MYT1L: variants seen among roughly 807,000 people sequenced by gnomAD.
MYT1L encodes myelin transcription factor 1-like protein.
MYT1L carries 12 observed loss-of-function variants against 126.7 expected under a neutral mutation model. That is an observed-to-expected ratio of 0.09 (90% CI 0.06 to 0.15). MYT1L has a LOEUF of 0.15. Among genes scored for constraint, MYT1L ranks in the 10% least tolerant of loss-of-function variants. The pLI, the probability that MYT1L is intolerant of heterozygous loss-of-function variation, is 1.00. For synonymous variants in MYT1L, 541 were observed against 604.2 expected, an observed-to-expected ratio of 0.90 and a Z score of 1.53; for missense variants, 979 against 1,585.2, an observed-to-expected ratio of 0.62 and a Z score of 6.49.
chr2:2,130,827 T>C (rs1350970650), intron 3 of MYT1L, among the ~76,000 whole-genome samples: 1 of 152,170 alleles, frequency 6.6e-6, no homozygotes, highest in East Asian at 1.9e-4. Context: ...TGTGCTCTTG[T>C]TTGCTTAGTT....
chr2:2,186,366 G>A (rs979165870), intron 2 of MYT1L, among the ~76,000 whole-genome samples: 5 of 152,248 alleles, frequency 3.3e-5, no homozygotes, highest in Admixed American at 6.5e-5. Flanking sequence ...CGAGTCCTGC[G>A]GTCCTTACTG....
At chr2:2,225,232 A>G (rs1333556850) in intron 2 of MYT1L, among the ~76,000 whole-genome samples, 2 of 151,210 alleles carry the variant, frequency 1.3e-5, no homozygotes, top group Non-Finnish European at 2.9e-5. Context: ...CAACTAACCA[A>G]CCCCAGGCCT....
chr2:1,833,192 C>T (rs1297996639), intron 21 of MYT1L, among the ~76,000 whole-genome samples: 2 of 152,178 alleles, frequency 1.3e-5, no homozygotes, highest in African/African-American at 2.4e-5. Context: ...GCATCTGTCC[C>T]GTGGTTGGCC....
rs751569491 is a variant in MYT1L, at chr2:1,839,400, T to C, written c.2859-30A>G. 8.8e-6 allele frequency: 14 copies of C among 1,587,822 alleles called. No individual in the cohort carries two copies. In the Admixed American group the frequency reaches 2.4e-4, roughly 27 times the overall value. On this transcript the variant is annotated intron_variant, in intron 20 of 24. Coordinates refer to ENST00000647738, the MANE Select transcript of MYT1L (RefSeq NM_001303052.2). ...AGGCAGGCAGAGGTGACACACTTTA[T>C]TGTCTGGCCACCGTCGCCTGGTGGC...
intron 1 of MYT1L, among the ~76,000 whole-genome samples, chr2:2,313,956 A>G (rs1350610637): frequency 6.6e-6 from 1 of 152,202 alleles, no homozygotes; most frequent in Non-Finnish European, 1.5e-5. Flanking sequence ...AAGAAGAAAG[A>G]AAAAAGTTCT....
rs141940380 is a variant in MYT1L, at chr2:2,045,713, C to T, written c.-158+8265G>A. Among the ~76,000 whole-genome samples, 508 of 152,304 alleles carry T rather than the reference C, an allele frequency of 3.3e-3. 5 individuals are homozygous for T. Among genetic ancestry groups the T allele is most frequent in the Admixed American group, 0.027 (415 of 15,300 alleles). Reference sequence around the variant, plus strand: ...TTAGACAAATTGCCTTTTTCTCACACAGGACCTATATTTTTCTGCCTCAGT... The same window carrying T: ...TTAGACAAATTGCCTTTTTCTCACATAGGACCTATATTTTTCTGCCTCAGT... On this transcript the variant is annotated intron_variant, in intron 4 of 24. Coordinates refer to ENST00000647738, the MANE Select transcript of MYT1L (RefSeq NM_001303052.2).
chr2:2,052,020 ATT>A (rs1270710978), intron 4 of MYT1L, among the ~76,000 whole-genome samples: 3 of 152,222 alleles, frequency 2.0e-5, no homozygotes, highest in African/African-American at 7.2e-5. Context: ...ATAGTTAGAA[ATT>A]TCATACTTTC....
At chr2:1,836,665 G>A (rs1278779168) in intron 21 of MYT1L, among the ~76,000 whole-genome samples, 2 of 142,152 alleles carry the variant, frequency 1.4e-5, no homozygotes, top group South Asian at 2.3e-4. Flanking sequence ...TCATCAGCCT[G>A]TACCCCAAGA....
chr2:2,111,416 C>T (rs139873314), intron 3 of MYT1L, among the ~76,000 whole-genome samples: 1 of 152,298 alleles, frequency 6.6e-6, no homozygotes, highest in Non-Finnish European at 1.5e-5. Context: ...GTGGTAACGG[C>T]AGAGGAGATT....
At position 1,859,460 on chromosome 2, in the gene MYT1L, C is replaced by T. The variant is rs561602438; in HGVS notation, c.2712-7757G>A. On this transcript the variant is annotated intron_variant, in intron 18 of 24. Transcript: ENST00000647738. ...GGGCTAGGCCCCAGGTTGCTCAGAA[C>T]GTGCAAGGGTCATCATGCAAATGAA... is the stretch of plus-strand genomic sequence containing the variant. Among the ~76,000 whole-genome samples, 7 of 152,288 alleles carry T rather than the reference C, an allele frequency of 4.6e-5. No individual in the cohort carries two copies. In the South Asian group the frequency reaches 6.2e-4, roughly 14 times the overall value.
intron 8 of MYT1L, among the ~76,000 whole-genome samples, chr2:1,947,948 C>T (rs1361264354): frequency 3.9e-5 from 6 of 151,950 alleles, no homozygotes; most frequent in Non-Finnish European, 2.9e-5. Flanking sequence ...CGACCAAGGG[C>T]GTGAGCTCCA....
chr2:1,968,613 C>T (rs916730736), intron 8 of MYT1L, among the ~76,000 whole-genome samples: 1 of 152,140 alleles, frequency 6.6e-6, no homozygotes, highest in Non-Finnish European at 1.5e-5. Flanking sequence ...ACAGAGGGTG[C>T]GTTTATCTTA....
intron 2 of MYT1L, among the ~76,000 whole-genome samples, chr2:2,209,510 C>T (rs960982581): frequency 2.0e-5 from 3 of 152,088 alleles, no homozygotes; most frequent in Admixed American, 6.5e-5. Flanking sequence ...CTTGTCTTTT[C>T]GTGCCTGGCT....
intron 2 of MYT1L, among the ~76,000 whole-genome samples, chr2:2,263,464 CT>C (rs2095042334): frequency 6.6e-6 from 1 of 152,268 alleles, no homozygotes; most frequent in South Asian, 2.1e-4. Context: ...CGCAGATGAC[CT>C]TTTGGATGTG....
At chr2:2,280,964 T>C (rs887181773) in intron 2 of MYT1L, among the ~76,000 whole-genome samples, 1 of 152,164 alleles carries the variant, frequency 6.6e-6, no homozygotes, top group Non-Finnish European at 1.5e-5. Context: ...CAGCTTTTGA[T>C]GAGGGTTTGT....
At chr2:2,180,588 ATGTG>A (rs2091324858) in intron 2 of MYT1L, among the ~76,000 whole-genome samples, 1 of 128,902 alleles carries the variant, frequency 7.8e-6, no homozygotes, top group Non-Finnish European at 1.7e-5. Flanking sequence ...GTGTGCGCCT[ATGTG>A]TGTACCTGTG....
chr2:1,958,192 G>A (rs1397018435), intron 8 of MYT1L, among the ~76,000 whole-genome samples: 2 of 152,182 alleles, frequency 1.3e-5, no homozygotes, highest in Non-Finnish European at 2.9e-5. Flanking sequence ...ACTTGCTGAG[G>A]GAGCTGGAGG....
At chr2:1,996,664 C>T (rs1241885525) in intron 5 of MYT1L, among the ~76,000 whole-genome samples, 6 of 116,138 alleles carry the variant, frequency 5.2e-5, no homozygotes, top group Admixed American at 3.8e-4. Flanking sequence ...GTGAGGGCCA[C>T]CCTGCTTCAG....
At chr2:1,850,494 A>G (rs2043126411) in intron 19 of MYT1L, among the ~76,000 whole-genome samples, 1 of 152,142 alleles carries the variant, frequency 6.6e-6, no homozygotes, top group South Asian at 2.1e-4. Context: ...TGGTACATCT[A>G]AACATGACTT....
Sources: allele counts gnomAD v4.1 joint callset (sites outside exome capture counted in the v4.1 genomes callset), GRCh38; gene constraint gnomAD v4.1.1; transcripts MANE v1.5; gene names NCBI Gene and HGNC (gene_info 2026-07-23, HGNC 2026-07-21).